Variants in C10orf67 observed in about 807,000 individuals in gnomAD.
C10orf67 encodes the protein chromosome 10 open reading frame 67.
Under a neutral mutation model 35.6 loss-of-function variants are expected in C10orf67, and 60 were observed. That is an observed-to-expected ratio of 1.68 (90% CI 1.37 to 2.09). The LOEUF (loss-of-function observed/expected upper bound fraction) is 2.09. Ranked by LOEUF, C10orf67 falls within the 30% of genes most tolerant of loss-of-function variation. The pLI is 0.00. For synonymous variants in C10orf67, 167 were observed against 115.8 expected, an observed-to-expected ratio of 1.44 and a Z score of -2.84; for missense variants, 474 against 330.2, an observed-to-expected ratio of 1.44 and a Z score of -3.38.
intron 4 of C10orf67, among the ~76,000 whole-genome samples, chr10:23,314,237 A>C (rs973412188): frequency 6.6e-6 from 1 of 151,990 alleles, no homozygotes; most frequent in African/African-American, 2.4e-5. Context: ...ACAACAAAAA[A>C]CTGGTAGGAT....
chr10:23,206,239 A>G (rs1047047498), intron 15 of C10orf67, among the ~76,000 whole-genome samples: 1 of 152,252 alleles, frequency 6.6e-6, no homozygotes, highest in African/African-American at 2.4e-5. Flanking sequence ...TGCTATTCAC[A>G]TAGCAGTACA....
rs765528345 is a variant in C10orf67, at chr10:23,333,087, C to T, written c.302G>A (p.Ser101Asn). The T allele has an allele frequency of 3.5e-5, 56 of 1,612,190 alleles. No homozygotes were observed. Among genetic ancestry groups the T allele is most frequent in the Non-Finnish European group, 4.4e-5 (52 of 1,179,042 alleles). The change falls in exon 2 of 16, where the codon AGT becomes AAT. Residue 101 changes from serine (S) to asparagine (N), a missense_variant. Coordinates refer to ENST00000636213, the MANE Select transcript of C10orf67 (RefSeq NM_001371909.1). ...SSEILSVKELSSSTQKLAQMM... is the reference protein window; with the variant it reads ...SSEILSVKELNSSTQKLAQMM... ...CTGTGCTAACTTTTGCGTAGATGAACTCAATTCTTTTACTGACAGTATTTC... is the reference window on the plus strand; with the variant it reads ...CTGTGCTAACTTTTGCGTAGATGAATTCAATTCTTTTACTGACAGTATTTC...
In C10orf67 at chr10:23,313,484, C is replaced by T. The variant is rs184758437; in HGVS notation, c.546+7257G>A. Among the ~76,000 whole-genome samples the T allele has an allele frequency of 7.6e-4, 115 of 152,230 alleles. 1 individual carries two copies. Among genetic ancestry groups the T allele is most frequent in the South Asian group, 5.0e-3 (24 of 4,816 alleles). ...CAACCCTTTATTCAATAAAATTTGTCAAAAACCTATTACATGCCACGCAGT... is the reference window on the plus strand; with the variant it reads ...CAACCCTTTATTCAATAAAATTTGTTAAAAACCTATTACATGCCACGCAGT... On this transcript the variant is annotated intron_variant, in intron 4 of 15. Transcript: ENST00000636213.
At chr10:23,307,985 TC>T (rs1206697650) in intron 4 of C10orf67, among the ~76,000 whole-genome samples, 1 of 152,186 alleles carries the variant, frequency 6.6e-6, no homozygotes, top group African/African-American at 2.4e-5. Context: ...CTTACATATG[TC>T]TACAGCTCAA....
At chr10:23,271,752 C>G (rs934773763) in intron 8 of C10orf67, among the ~76,000 whole-genome samples, 1 of 152,138 alleles carries the variant, frequency 6.6e-6, no homozygotes, top group African/African-American at 2.4e-5. Context: ...AATAGCTTGG[C>G]CATTTAAAAA....
chr10:23,224,712 C>A (rs1264553507), intron 13 of C10orf67, among the ~76,000 whole-genome samples: 1 of 152,138 alleles, frequency 6.6e-6, no homozygotes, highest in African/African-American at 2.4e-5. Context: ...AACCATGGCA[C>A]AAGAACTACG....
intron 4 of C10orf67, among the ~76,000 whole-genome samples, chr10:23,303,847 G>A (rs1232867298): frequency 6.6e-6 from 1 of 152,156 alleles, no homozygotes; most frequent in Admixed American, 6.5e-5. Flanking sequence ...GGAGATTTGG[G>A]ACCTGGATAG....
intron 5 of C10orf67, among the ~76,000 whole-genome samples, chr10:23,293,068 C>A (rs1843770965): frequency 6.6e-6 from 1 of 152,046 alleles, no homozygotes; most frequent in African/African-American, 2.4e-5. Flanking sequence ...CATACTTTTC[C>A]TAACAGTGGC....
intron 12 of C10orf67, among the ~76,000 whole-genome samples, chr10:23,246,727 T>C (rs1353563718): frequency 1.3e-5 from 2 of 152,204 alleles, no homozygotes; most frequent in Admixed American, 6.5e-5. Context: ...CTAGTGTGTG[T>C]GTTTGTATCT....
intron 2 of C10orf67, among the ~76,000 whole-genome samples, chr10:23,325,571 T>TAAC (rs926486992): frequency 3.0e-5 from 3 of 99,878 alleles, no homozygotes; most frequent in Admixed American, 9.2e-5. Context: ...ACAAAACCAA[T>TAAC]AACAACAACA....
chr10:23,267,456 G>T (rs1312167082), intron 8 of C10orf67, among the ~76,000 whole-genome samples: 5 of 152,096 alleles, frequency 3.3e-5, no homozygotes, highest in Non-Finnish European at 5.9e-5. Flanking sequence ...AAGTGAACAG[G>T]AATATATAAC....
Position 23,295,633 on chromosome 10 carries a change from A to G in C10orf67, c.703-4354T>C, listed in dbSNP as rs113308431. ...ATGTTGCATTTCACAAATGGGAAATAAATGGATCAAAATTGCCTTGCCACA... is the reference window on the plus strand; with the variant it reads ...ATGTTGCATTTCACAAATGGGAAATGAATGGATCAAAATTGCCTTGCCACA... On this transcript the variant is annotated intron_variant, in intron 5 of 15. Coordinates refer to ENST00000636213, the MANE Select transcript of C10orf67 (RefSeq NM_001371909.1). Among the ~76,000 whole-genome samples, 335 of 151,540 alleles carry G rather than the reference A, an allele frequency of 2.2e-3. 5 individuals carry two copies. Among genetic ancestry groups the G allele is most frequent in the African/African-American group, 7.7e-3 (317 of 41,232 alleles).
intron 10 of C10orf67, among the ~76,000 whole-genome samples, chr10:23,257,542 C>T (rs532534105): frequency 6.6e-6 from 1 of 152,308 alleles, no homozygotes; most frequent in East Asian, 1.9e-4. Flanking sequence ...GTGGCTTACA[C>T]CTGTAATCCC....
At chr10:23,255,699 C>T (rs567773597) in intron 10 of C10orf67, among the ~76,000 whole-genome samples, 19 of 149,918 alleles carry the variant, frequency 1.3e-4, no homozygotes, top group South Asian at 4.2e-4. Flanking sequence ...TGTTTATAAC[C>T]GAAAAAAAAA....
intron 2 of C10orf67, among the ~76,000 whole-genome samples, chr10:23,325,511 T>A (rs1588697617): frequency 1.4e-5 from 2 of 138,314 alleles, no homozygotes; most frequent in South Asian, 2.3e-4. Flanking sequence ...TCTGTTTTAA[T>A]CCAAACAAGT....
chr10:23,279,072 C>T (rs535277341), intron 8 of C10orf67, among the ~76,000 whole-genome samples: 89 of 152,248 alleles, frequency 5.8e-4, no homozygotes, highest in African/African-American at 1.9e-3. Flanking sequence ...GGCAATATAG[C>T]GAGGCCCTGT....
chr10:23,271,291 C>A (rs1820072289), intron 8 of C10orf67, among the ~76,000 whole-genome samples: 1 of 152,220 alleles, frequency 6.6e-6, no homozygotes, highest in East Asian at 1.9e-4. Flanking sequence ...TAGAGTCCTA[C>A]AAAGAGACTT....
intron 7 of C10orf67, among the ~76,000 whole-genome samples, chr10:23,282,309 C>T (rs1167919566): frequency 6.6e-6 from 1 of 152,154 alleles, no homozygotes; most frequent in Non-Finnish European, 1.5e-5. Context: ...TTTCTCACCC[C>T]ATGCCATCAA....
intron 10 of C10orf67, among the ~76,000 whole-genome samples, chr10:23,253,372 G>A (rs1346838579): frequency 6.6e-6 from 1 of 152,158 alleles, no homozygotes; most frequent in African/African-American, 2.4e-5. Flanking sequence ...TGTTCTCAAA[G>A]GGCACAATCC....
Sources: allele counts gnomAD v4.1 joint callset (sites outside exome capture counted in the v4.1 genomes callset), GRCh38; gene constraint gnomAD v4.1.1; transcripts MANE v1.5; gene names NCBI Gene and HGNC (gene_info 2026-07-23, HGNC 2026-07-21).